ZCWPW2: variants seen among roughly 807,000 people sequenced by gnomAD.
ZCWPW2 encodes the protein zinc finger CW-type PWWP domain protein 2.
In ZCWPW2, 45 loss-of-function variants were observed where a neutral mutation model predicts 46.6. The observed-to-expected ratio is 0.96, with a 90% CI of 0.76 to 1.24. The LOEUF (loss-of-function observed/expected upper bound fraction) is 1.24, where lower values mean the gene tolerates loss of function less well. Ranked by LOEUF, ZCWPW2 falls within the 50% of genes most tolerant of loss-of-function variation. The pLI, the probability that ZCWPW2 is intolerant of heterozygous loss-of-function variation, is 0.00. For synonymous variants in ZCWPW2, 152 were observed against 137.1 expected, an observed-to-expected ratio of 1.11 and a Z score of -0.76; for missense variants, 429 against 403.9, an observed-to-expected ratio of 1.06 and a Z score of -0.53.
intron 4 of ZCWPW2, among the ~76,000 whole-genome samples, chr3:28,450,587 A>G (rs1028593589): frequency 6.6e-6 from 1 of 152,186 alleles, no homozygotes; most frequent in Non-Finnish European, 1.5e-5. Flanking sequence ...TATGTTGCCA[A>G]GAAAAAGTAG....
chr3:28,403,338 A>C (rs1696023954), intron 2 of ZCWPW2, among the ~76,000 whole-genome samples: 1 of 152,160 alleles, frequency 6.6e-6, no homozygotes, highest in Non-Finnish European at 1.5e-5. Context: ...CACCTAACCA[A>C]GGAGGTGAAA....
chr3:28,436,223 A>G (rs775249451), intron 4 of ZCWPW2, among the ~76,000 whole-genome samples: 15 of 152,142 alleles, frequency 9.9e-5, no homozygotes, highest in Non-Finnish European at 1.5e-4. Flanking sequence ...CTAATATTGA[A>G]ACTTTTCATC....
chr3:28,511,296 C>T (rs900646944), intron 6 of ZCWPW2, among the ~76,000 whole-genome samples: 14 of 152,064 alleles, frequency 9.2e-5, no homozygotes, highest in South Asian at 2.1e-4. Context: ...AAGTGAGTTT[C>T]GAACAAAATT....
chr3:28,379,581 A>G (rs868129265), intron 1 of ZCWPW2, among the ~76,000 whole-genome samples: 7 of 152,160 alleles, frequency 4.6e-5, no homozygotes, highest in African/African-American at 1.7e-4. Flanking sequence ...AAAAGTTTAG[A>G]AGGAAAATAC....
chr3:28,516,500 T>C (rs1401633676), intron 8 of ZCWPW2, among the ~76,000 whole-genome samples: 1 of 152,050 alleles, frequency 6.6e-6, no homozygotes, highest in African/African-American at 2.4e-5. Context: ...AGTTTTAGTT[T>C]TCAAAGGCAA....
chr3:28,396,902 A>G (rs1320325488), intron 2 of ZCWPW2, among the ~76,000 whole-genome samples: 1 of 152,052 alleles, frequency 6.6e-6, no homozygotes, highest in Admixed American at 6.6e-5. Context: ...GCTGAGGTGG[A>G]TGGATTGCTT....
chr3:28,432,983 C>T (rs888741058), intron 3 of ZCWPW2, among the ~76,000 whole-genome samples: 12 of 152,058 alleles, frequency 7.9e-5, no homozygotes, highest in Non-Finnish European at 1.8e-4. Flanking sequence ...AGTAACTTTA[C>T]TCTTTTGACT....
At chr3:28,495,839 G>A (rs1485104197) in intron 6 of ZCWPW2, among the ~76,000 whole-genome samples, 3 of 151,954 alleles carry the variant, frequency 2.0e-5, no homozygotes, top group Non-Finnish European at 4.4e-5. Flanking sequence ...GTGGGTTATA[G>A]TAATTTTGGA....
chr3:28,414,368 T>C (rs935167553), intron 3 of ZCWPW2, among the ~76,000 whole-genome samples: 2 of 152,002 alleles, frequency 1.3e-5, no homozygotes, highest in African/African-American at 4.8e-5. Flanking sequence ...AATTTTAGGT[T>C]CCGGGATACA....
chr3:28,489,335 T>A (rs1327288889), intron 5 of ZCWPW2, among the ~76,000 whole-genome samples: 1 of 152,034 alleles, frequency 6.6e-6, no homozygotes. Context: ...TAAATTTACT[T>A]TTTTTTAAAG....
intron 2 of ZCWPW2, among the ~76,000 whole-genome samples, chr3:28,405,703 T>C (rs1696129436): frequency 6.6e-6 from 1 of 152,084 alleles, no homozygotes; most frequent in Admixed American, 6.6e-5. Flanking sequence ...CTCTAACTCC[T>C]GACCGTGTGA....
chr3:28,375,679 T>C (rs1402495464), intron 1 of ZCWPW2, among the ~76,000 whole-genome samples: 1 of 152,032 alleles, frequency 6.6e-6, no homozygotes, highest in Admixed American at 6.6e-5. Flanking sequence ...CAATTAAGTT[T>C]ATTATTGACT....
intron 2 of ZCWPW2, among the ~76,000 whole-genome samples, chr3:28,396,895 G>A (rs1695723220): frequency 6.6e-6 from 1 of 152,180 alleles, no homozygotes; most frequent in African/African-American, 2.4e-5. Flanking sequence ...TTTGGAGGCT[G>A]AGGTGGATGG....
Position 28,413,194 on chromosome 3 carries a change from A to G in ZCWPW2, c.126A>G (p.Arg42=), listed in dbSNP as rs757863921. 6.2e-7 allele frequency: 1 copy of G among 1,613,436 alleles called. No homozygotes were observed. Among genetic ancestry groups the G allele is most frequent in the Admixed American group, 1.7e-5 (1 of 59,922 alleles). ...AGAATGAAAATTGTTTGAAATGGAG[A>G]TTGTTATCAAGTGAGGATTCAGCCA... ...QCENENCLKW[R]LLSSEDSAKV... Residue 42 remains arginine (R), a synonymous_variant, in exon 3 of 10, where the codon AGA becomes AGG. Coordinates refer to ENST00000383768, the MANE Select transcript of ZCWPW2 (RefSeq NM_001040432.4).
intron 9 of ZCWPW2, among the ~76,000 whole-genome samples, chr3:28,522,915 T>C (rs1700760030): frequency 6.6e-6 from 1 of 152,200 alleles, no homozygotes; most frequent in African/African-American, 2.4e-5. Flanking sequence ...TATGGTTTTG[T>C]GCAGTGTTTT....
At chr3:28,481,679 G>T (rs1027709244) in intron 5 of ZCWPW2, among the ~76,000 whole-genome samples, 10 of 152,056 alleles carry the variant, frequency 6.6e-5, no homozygotes, top group African/African-American at 1.7e-4. Context: ...GATGCTGACT[G>T]AATTTTCAAG....
intron 1 of ZCWPW2, among the ~76,000 whole-genome samples, chr3:28,364,785 CAG>C (rs898462114): frequency 1.4e-4 from 21 of 152,074 alleles, no homozygotes; most frequent in Non-Finnish European, 2.8e-4. Context: ...TTCCCACTAA[CAG>C]TGTAAAAGTG....
At chr3:28,501,058 TC>T (rs1700129631) in intron 6 of ZCWPW2, among the ~76,000 whole-genome samples, 1 of 152,182 alleles carries the variant, frequency 6.6e-6, no homozygotes, top group Non-Finnish European at 1.5e-5. Context: ...TAGTTTTCTT[TC>T]AGTTTTCAGA....
chr3:28,492,080 G>A, intron 5 of ZCWPW2, 47 bp from the exon 6 acceptor site: 1 of 1,576,064 alleles, frequency 6.3e-7, no homozygotes, highest in South Asian at 1.2e-5. Context: ...TATTTGAACA[G>A]GAACATAGGC....
Sources: allele counts gnomAD v4.1 joint callset (sites outside exome capture counted in the v4.1 genomes callset), GRCh38; gene constraint gnomAD v4.1.1; transcripts MANE v1.5; gene names NCBI Gene and HGNC (gene_info 2026-07-23, HGNC 2026-07-21).